The following DICER1 variants were observed in gnomAD, a reference collection of about 807,000 sequenced individuals.
DICER1 encodes dicer 1, ribonuclease III, also known as endoribonuclease Dicer.
In DICER1, 43 loss-of-function variants were observed where a neutral mutation model predicts 194.1. That is an observed-to-expected ratio of 0.22 (90% CI 0.17 to 0.29). The LOEUF is 0.29. Ranked by LOEUF, DICER1 falls within the 10% of genes least tolerant of loss-of-function variation. The probability of loss-of-function intolerance (pLI) is 1.00; values close to 1 mark genes in which losing one functional copy is unlikely to be tolerated. For missense variants in DICER1, 1,608 were observed against 2,317.0 expected (o/e 0.69, Z 6.28); for synonymous variants, 832 against 820.5 (o/e 1.01, Z -0.24).
At chr14:95,141,342 A>T (rs1894816078) in intron 1 of DICER1, among the ~76,000 whole-genome samples, 1 of 152,238 alleles carries the variant, frequency 6.6e-6, no homozygotes, top group African/African-American at 2.4e-5. Flanking sequence ...GTCGGGCATA[A>T]ATTTAAATTT....
chr14:95,117,581 C>A lies in DICER1; in HGVS notation c.1509+41G>T, dbSNP rs767228650. 5.6e-6 allele frequency: 9 copies of A among 1,611,146 alleles called. No homozygotes were observed. The South Asian group carries it at 9.9e-5, about 18-fold the overall frequency. On this transcript the variant is annotated intron_variant, in intron 9 of 26. Coordinates refer to ENST00000343455, the MANE Select transcript of DICER1 (RefSeq NM_177438.3). ...CTATGGGCACTTTGTCTGTATATGT[C>A]CCGAAAACTGTTATTGTACACTTAT...
rs1425438919 is a variant in DICER1, at chr14:95,086,715, C to A, written c.*3783G>T. The A allele has an allele frequency of 4.3e-6, 1 of 232,780 alleles. No individual in the cohort carries two copies. The highest frequency in any genetic ancestry group is 8.5e-6 in the Non-Finnish European group (1 of 117,750). 14.4% of individuals were successfully genotyped at this position (232,780 alleles called of 1,614,324 possible). A position where few individuals can be genotyped will look rare whatever the true frequency, so the allele number is the denominator to read the frequency against. On this transcript the variant is annotated 3_prime_UTR_variant, in exon 27 of 27. Transcript: ENST00000343455. ...CAAATTTCCTAGATATTGCTATTGG[C>A]GTCTCCAACAACTTTAAAAATCATT...
intron 1 of DICER1, among the ~76,000 whole-genome samples, chr14:95,147,007 AATG>A (rs1337517271): frequency 2.6e-5 from 4 of 152,212 alleles, no homozygotes; most frequent in African/African-American, 9.6e-5. Context: ...CCCAAAAATT[AATG>A]ATGAATTACT....
chr14:95,144,569 T>C (rs1345009267), intron 1 of DICER1, among the ~76,000 whole-genome samples: 1 of 152,188 alleles, frequency 6.6e-6, no homozygotes, highest in Non-Finnish European at 1.5e-5. Context: ...TTTTTTAGCA[T>C]AATTCTTAAA....
Position 95,096,044 on chromosome 14 carries a change from C to G in DICER1, c.4876G>C (p.Val1626Leu), listed in dbSNP as rs1555367589. The G allele has an allele frequency of 6.2e-7, 1 of 1,614,080 alleles. No homozygotes were observed. The highest frequency in any genetic ancestry group is 1.3e-5 in the African/African-American group (1 of 74,926). ...NLSVSCAAAS[V>L]ASSRSSVLKD... ...AATACAGAAGAGCGTGAACTGGCCA[C>G]AGAAGCAGCAGCACAGCTCACTGAA... Residue 1626 changes from valine (V) to leucine (L), a missense_variant, in exon 23 of 27, where the codon GTG (valine) becomes CTG (leucine). Val to Leu is a conservative substitution (Grantham distance 32). Coordinates refer to ENST00000343455, the MANE Select transcript of DICER1 (RefSeq NM_177438.3).
chr14:95,145,892 C>A (rs939244062), intron 1 of DICER1, among the ~76,000 whole-genome samples: 15 of 151,942 alleles, frequency 9.9e-5, no homozygotes, highest in South Asian at 4.2e-4. Flanking sequence ...ACCACACACA[C>A]AAAAAAAACT....
chr14:95,095,744 T>A (rs1890246418), intron 23 of DICER1, 81 bp downstream of exon 23: 2 of 1,445,566 alleles, frequency 1.4e-6, no homozygotes, highest in Admixed American at 1.8e-5. Context: ...CATGCATAGA[T>A]CACTTTTACA....
In DICER1 at chr14:95,096,615, C is replaced by A. The variant is rs1566756652; in HGVS notation, c.4305G>T (p.Glu1435Asp). The A allele has an allele frequency of 6.2e-7, 1 of 1,612,006 alleles. No homozygotes were observed. ...CCAGGAAATCATCTTCATAGTCAGC[C>A]TCTTCCTTCGGAGCCCTCCACATCA... is the stretch of plus-strand genomic sequence containing the variant. ...ESLMWRAPKE[E>D]ADYEDDFLEY... Residue 1435 changes from glutamate to aspartate, a missense_variant, in exon 23 of 27, where the codon GAG becomes GAT. Transcript: ENST00000343455.
At position 95,090,473 on chromosome 14, in the gene DICER1, T is replaced by C. The variant is rs1294935979; in HGVS notation, c.*25A>G. The C allele has an allele frequency of 3.7e-6, 6 of 1,612,518 alleles. No individual in the cohort carries two copies. The South Asian group carries it at 5.5e-5, about 15-fold the overall frequency. The stretch of plus-strand genomic sequence containing the variant: ...CCCTTAATTTTTTTTGTTTTGTTTC[T>C]TGTTTTGAATTTTAAAAAGCGGTTT... On this transcript the variant is annotated 3_prime_UTR_variant, in exon 27 of 27. Coordinates refer to ENST00000343455, the MANE Select transcript of DICER1 (RefSeq NM_177438.3).
chr14:95,128,761 T>A (rs1893693813), intron 6 of DICER1, among the ~76,000 whole-genome samples: 1 of 152,218 alleles, frequency 6.6e-6, no homozygotes, highest in South Asian at 2.1e-4. Context: ...GAGAAATCAG[T>A]CTCCGCTACT....
rs201906274 is a variant in DICER1, at chr14:95,105,057, C to A, written c.3269+14G>T. 1 of 1,613,194 alleles carries A rather than the reference C, an allele frequency of 6.2e-7. No homozygotes were observed. Among genetic ancestry groups the A allele is most frequent in the Admixed American group, 1.7e-5 (1 of 60,036 alleles). On this transcript the variant is annotated intron_variant, in intron 20 of 26. Transcript: ENST00000343455. The surrounding 1 kb of genome is among the most constrained non-coding windows in gnomAD (Gnocchi z 4.9). ...CATGATCTGTGTTCTTTCTGGCTGA[C>A]TGCACAGGCATACCTAAAATCCGCA...
chr14:95,143,232 T>A (rs894640976), intron 1 of DICER1, among the ~76,000 whole-genome samples: 2 of 152,222 alleles, frequency 1.3e-5, no homozygotes, highest in African/African-American at 4.8e-5. Context: ...GGCATTATTT[T>A]AACTGCAATC....
At chr14:95,107,117 A>C (rs1382005376) in intron 17 of DICER1, among the ~76,000 whole-genome samples, 1 of 152,092 alleles carries the variant, frequency 6.6e-6, no homozygotes, top group Non-Finnish European at 1.5e-5. Context: ...TCCTGGGCTG[A>C]AGCAATCTTC....
intron 1 of DICER1, among the ~76,000 whole-genome samples, chr14:95,154,085 T>C (rs951305074): frequency 6.6e-6 from 1 of 152,212 alleles, no homozygotes; most frequent in African/African-American, 2.4e-5. Context: ...ATTAAAGACC[T>C]CACCAATATC....
chr14:95,118,674 A>C (rs1892696195), intron 8 of DICER1, among the ~76,000 whole-genome samples: 1 of 152,190 alleles, frequency 6.6e-6, no homozygotes, highest in South Asian at 2.1e-4. Flanking sequence ...CCACATTCAA[A>C]AACTCAGCAC....
intron 24 of DICER1, among the ~76,000 whole-genome samples, chr14:95,092,013 A>T (rs554527604): frequency 4.6e-5 from 7 of 152,284 alleles, no homozygotes; most frequent in Non-Finnish European, 8.8e-5. Context: ...CATCTCTAAG[A>T]ACTTATTTTA....
In DICER1 at chr14:95,124,314, C is replaced by T. The variant is rs1555374663; in HGVS notation, c.1258G>A (p.Glu420Lys). The T allele has an allele frequency of 1.2e-6, 2 of 1,613,758 alleles. No individual in the cohort carries two copies. The highest frequency in any genetic ancestry group is 1.7e-6 in the Non-Finnish European group (2 of 1,179,746). Residue 420 changes from glutamate (E) to lysine (K), a missense_variant, in exon 8 of 27, where the codon GAG (glutamate) becomes AAG (lysine). Coordinates refer to ENST00000343455, the MANE Select transcript of DICER1 (RefSeq NM_177438.3). This position sits in a 1 kb window ranked among gnomAD's most constrained non-coding sequence, Gnocchi z 4.5. ...VSWSDSEDDDEDEEIEEKEKP... is the reference protein window; with the variant it reads ...VSWSDSEDDDKDEEIEEKEKP... ...TCTTTTTCTTCAATTTCTTCATCCT[C>T]ATCATCATCCTCAGAATCACTCCAT... is the stretch of plus-strand genomic sequence containing the variant.
In DICER1 at chr14:95,148,749, T is replaced by C. The variant is rs1048516905; in HGVS notation, c.-46+8481A>G. Among the ~76,000 whole-genome samples, 4 of 152,186 alleles carry C rather than the reference T, an allele frequency of 2.6e-5. 1 individual carries two copies. The highest frequency in any genetic ancestry group is 2.6e-4 in the Admixed American group (4 of 15,282). ...AGGTCCGCTTACTTCTTGGAGTACT[T>C]CTCAGAAAGATGACATTTCAACACA... On this transcript the variant is annotated intron_variant, in intron 1 of 26. Coordinates refer to ENST00000343455, the MANE Select transcript of DICER1 (RefSeq NM_177438.3).
intron 8 of DICER1, among the ~76,000 whole-genome samples, chr14:95,120,661 C>T (rs1892865338): frequency 6.6e-6 from 1 of 152,096 alleles, no homozygotes; most frequent in Admixed American, 6.6e-5. Context: ...CTCCCAGTGG[C>T]CACCGCTGCA....
Sources: gnomAD v4.1 joint callset for allele counts (sites outside exome capture counted in the v4.1 genomes callset) on GRCh38, gnomAD v4.1.1 for gene constraint, Gnocchi (gnomAD v3.1) non-coding constraint, MANE v1.5 for transcripts, NCBI Gene and HGNC (gene_info 2026-07-23, HGNC 2026-07-21) for gene names.